FAM193A: variants seen among roughly 807,000 people sequenced by gnomAD.
FAM193A encodes the protein family with sequence similarity 193 member A, also known as protein FAM193A.
A neutral mutation model predicts 126.5 loss-of-function variants in FAM193A; 22 were observed. The observed-to-expected ratio is 0.17, with a 90% CI of 0.12 to 0.25. The LOEUF (loss-of-function observed/expected upper bound fraction) is 0.25, where lower values mean the gene tolerates loss of function less well. Ranked by LOEUF, FAM193A falls within the 10% of genes least tolerant of loss-of-function variation. The pLI is 1.00. For synonymous variants in FAM193A, 761 were observed against 646.8 expected (o/e 1.18, Z -2.68); for missense variants, 1,675 against 1,672.8 (o/e 1.00, Z -0.02).
At chr4:2,663,315 AG>A (rs1352124416) in intron 12 of FAM193A, 27 bp downstream of exon 12, 1 of 1,525,292 alleles carries the variant, frequency 6.6e-7, no homozygotes, top group African/African-American at 1.4e-5. Flanking sequence ...TGTTTTGCCA[AG>A]GATCTCTTTT....
intron 1 of FAM193A, among the ~76,000 whole-genome samples, chr4:2,546,871 G>A (rs1298057511): frequency 2.0e-5 from 3 of 152,120 alleles, no homozygotes; most frequent in Non-Finnish European, 2.9e-5. Flanking sequence ...GCCTACTCAC[G>A]CAATGTCTGA....
At chr4:2,726,753 GAA>G (rs771178765) in intron 20 of FAM193A, among the ~76,000 whole-genome samples, 5 of 107,770 alleles carry the variant, frequency 4.6e-5, no homozygotes, top group Non-Finnish European at 7.0e-5. Flanking sequence ...CCGACATGGT[GAA>G]ACCCCACCTT....
At chr4:2,649,712 C>T (rs1745483162) in intron 7 of FAM193A, among the ~76,000 whole-genome samples, 1 of 152,118 alleles carries the variant, frequency 6.6e-6, no homozygotes, top group African/African-American at 2.4e-5. Flanking sequence ...AGTAAATAGT[C>T]CCTGTGTTGG....
intron 2 of FAM193A, among the ~76,000 whole-genome samples, chr4:2,623,241 G>A (rs938230121): frequency 4.1e-4 from 63 of 151,852 alleles, no homozygotes; most frequent in Non-Finnish European, 1.0e-4. Flanking sequence ...CGCGATCTCG[G>A]CTCACTGCAA....
chr4:2,594,600 G>C (rs1157535326), intron 1 of FAM193A, among the ~76,000 whole-genome samples: 1 of 152,094 alleles, frequency 6.6e-6, no homozygotes, highest in Non-Finnish European at 1.5e-5. Flanking sequence ...CCTTTGCCCT[G>C]CTCCCTGGGA....
Position 2,689,605 on chromosome 4 carries a change from C to G in FAM193A, c.2431C>G (p.Pro811Ala). Residue 811 changes from proline to alanine, a missense_variant, in exon 14 of 21, where the codon CCA (proline) becomes GCA (alanine). By Grantham distance (27) the Pro-to-Ala change is conservative. Around this residue, in one of 4 missense-constraint regions of FAM193A, gnomAD observed 1,186 missense variants for 1,109.2 expected, o/e 1.07. Transcript: ENST00000637812. ...TTATCCGAGCTGTTTTGGGAATACT[C>G]CAGAGTGGAATAGTTCTAAATTTAT... ...HIYPSCFGNT[P>A]EWNSSKFISL... The G allele has an allele frequency of 6.4e-7, 1 of 1,564,682 alleles. No homozygotes were observed. Among genetic ancestry groups the G allele is most frequent in the Non-Finnish European group, 8.6e-7 (1 of 1,161,940 alleles).
Position 2,716,036 on chromosome 4 carries a change from A to G in FAM193A, c.4386A>G (p.Leu1462=), listed in dbSNP as rs752724846. ...TTTGTTTTACAGATGATGTCTTTCT[A>G]CCTAAAGATATTGACCTAGACAGTG... ...RVNNSIDDVF[L]PKDIDLDSVD... is the part of the protein sequence containing the mutation. The change falls in exon 20 of 21, where the codon CTA becomes CTG. Residue 1462 remains leucine (L), a synonymous_variant. Transcript: ENST00000637812. The G allele has an allele frequency of 9.4e-6, 15 of 1,593,040 alleles. No individual in the cohort carries two copies. Among genetic ancestry groups the G allele is most frequent in the Admixed American group, 5.0e-5 (3 of 59,970 alleles).
At chr4:2,718,997 A>AT (rs2109386749) in intron 20 of FAM193A, among the ~76,000 whole-genome samples, 2 of 152,336 alleles carry the variant, frequency 1.3e-5, no homozygotes, top group South Asian at 4.1e-4. Context: ...CTTTGAAAGA[A>AT]TGGATTATCC....
Position 2,672,202 on chromosome 4 carries a change from G to A in FAM193A, c.2161G>A (p.Gly721Arg), listed in dbSNP as rs777954987. The change falls in exon 13 of 21, where the codon GGA (glycine) becomes AGA (arginine). Residue 721 changes from glycine (G) to arginine (R), a missense_variant. Gly to Arg is a moderately radical substitution (Grantham distance 125). Transcript: ENST00000637812. ...ACTGACACCATCTGCAATGACAGCC[G>A]GAGCCCTTCCTCCTGGCCATCAGTT... ...SGLTPSAMTAGALPPGHQFLS... is the reference protein window; with the variant it reads ...SGLTPSAMTARALPPGHQFLS... 111 of 1,613,982 alleles carry A rather than the reference G, an allele frequency of 6.9e-5. No homozygotes were observed. Among genetic ancestry groups the A allele is most frequent in the Non-Finnish European group, 9.0e-5 (106 of 1,180,032 alleles).
intron 12 of FAM193A, among the ~76,000 whole-genome samples, chr4:2,664,926 G>C (rs1198678518): frequency 6.6e-6 from 1 of 152,044 alleles, no homozygotes; most frequent in Non-Finnish European, 1.5e-5. Flanking sequence ...ATAAATTTTA[G>C]GATCTACTTG....
At chr4:2,584,887 T>C (rs1740148040) in intron 1 of FAM193A, among the ~76,000 whole-genome samples, 2 of 151,772 alleles carry the variant, frequency 1.3e-5, no homozygotes, top group Admixed American at 1.3e-4. Context: ...ACCGTGCCAC[T>C]GCACTCCAGC....
At chr4:2,642,513 C>T (rs1271892052) in intron 6 of FAM193A, among the ~76,000 whole-genome samples, 1 of 152,112 alleles carries the variant, frequency 6.6e-6, no homozygotes, top group African/African-American at 2.4e-5. Context: ...AGTGGTGAAT[C>T]TGGAATGTGG....
At chr4:2,636,182 GC>G (rs1744070423) in intron 5 of FAM193A, among the ~76,000 whole-genome samples, 1 of 151,758 alleles carries the variant, frequency 6.6e-6, no homozygotes, top group African/African-American at 2.4e-5. Context: ...TCCTGCCTCA[GC>G]CTCCCGAGTA....
Position 2,729,408 on chromosome 4 carries a change from A to G in FAM193A, c.4455-2367A>G, listed in dbSNP as rs565981016. 2.6e-4 allele frequency among the ~76,000 whole-genome samples: 40 copies of G among 152,336 alleles called. No individual in the cohort carries two copies. The South Asian group carries it at 4.1e-3, about 16-fold the overall frequency. ...GAGAAGGGACGCGAGGCCCTGAAGT[A>G]TGCCAACACCTAGAACCCTACATCA... is the stretch of plus-strand genomic sequence containing the variant. On this transcript the variant is annotated intron_variant, in intron 20 of 20. Transcript: ENST00000637812.
At chr4:2,584,507 G>T (rs1023438670) in intron 1 of FAM193A, among the ~76,000 whole-genome samples, 6 of 151,782 alleles carry the variant, frequency 4.0e-5, no homozygotes, top group African/African-American at 1.5e-4. Context: ...TAATGTACAG[G>T]TTTGCAAATT....
At chr4:2,603,400 T>G (rs1297086700) in intron 2 of FAM193A, among the ~76,000 whole-genome samples, 4 of 150,362 alleles carry the variant, frequency 2.7e-5, no homozygotes, top group Non-Finnish European at 4.4e-5. Flanking sequence ...TTCTCCTTCC[T>G]CAGCCGCCCT....
chr4:2,699,476 A>T (rs1295091882), intron 18 of FAM193A, among the ~76,000 whole-genome samples: 1 of 147,778 alleles, frequency 6.8e-6, no homozygotes, highest in Non-Finnish European at 1.5e-5. Flanking sequence ...AAGTAAGCAT[A>T]TACTTTAGTA....
intron 13 of FAM193A, among the ~76,000 whole-genome samples, chr4:2,683,217 T>C (rs1324029689): frequency 6.6e-6 from 1 of 152,208 alleles, no homozygotes; most frequent in Non-Finnish European, 1.5e-5. Flanking sequence ...TGGAATTCTT[T>C]TCGAATTCTT....
chr4:2,723,105 C>T (rs1224967287), intron 20 of FAM193A, among the ~76,000 whole-genome samples: 5 of 151,984 alleles, frequency 3.3e-5, no homozygotes, highest in African/African-American at 1.2e-4. Context: ...AACCCCACCT[C>T]TACTAAAAAT....
Sources: gnomAD v4.1 joint callset for allele counts (sites outside exome capture counted in the v4.1 genomes callset) on GRCh38, gnomAD v4.1.1 for gene constraint, gnomAD v4.1.1 regional missense constraint, MANE v1.5 for transcripts, NCBI Gene and HGNC (gene_info 2026-07-23, HGNC 2026-07-21) for gene names.